The following CNTNAP2 variants were observed in gnomAD, a reference collection of about 807,000 sequenced individuals.
The protein encoded by CNTNAP2 is contactin associated protein 2.
CNTNAP2 carries 98 observed loss-of-function variants against 155.2 expected under a neutral mutation model. The observed-to-expected ratio is 0.63, with a 90% CI of 0.54 to 0.75. CNTNAP2 has a LOEUF of 0.75. Among genes scored for constraint, CNTNAP2 ranks in the 30% least tolerant of loss-of-function variants. The pLI is 0.00. For missense variants in CNTNAP2, 1,727 were observed against 1,688.1 expected (o/e 1.02, Z -0.40); for synonymous variants, 651 against 631.2 (o/e 1.03, Z -0.47).
At chr7:146,802,761 G>A (rs1329495723) in intron 2 of CNTNAP2, among the ~76,000 whole-genome samples, 1 of 152,116 alleles carries the variant, frequency 6.6e-6, no homozygotes, top group Non-Finnish European at 1.5e-5. Flanking sequence ...CCAGTCATAG[G>A]TAGTTTGTTT....
At chr7:147,472,144 A>G (rs575365109) in intron 10 of CNTNAP2, among the ~76,000 whole-genome samples, 1 of 151,994 alleles carries the variant, frequency 6.6e-6, no homozygotes, top group South Asian at 2.1e-4. Context: ...ATGCAAAAAC[A>G]TACAAGAGCT....
At chr7:146,898,053 A>G (rs1795913600) in intron 3 of CNTNAP2, among the ~76,000 whole-genome samples, 1 of 152,106 alleles carries the variant, frequency 6.6e-6, no homozygotes, top group Non-Finnish European at 1.5e-5. Context: ...GATTCCTAAA[A>G]TAATCATAGA....
chr7:147,823,550 A>G (rs780344435), intron 13 of CNTNAP2, among the ~76,000 whole-genome samples: 4 of 152,056 alleles, frequency 2.6e-5, no homozygotes, highest in Non-Finnish European at 5.9e-5. Context: ...TCCTACCCCT[A>G]ATTTTTGCCT....
At chr7:146,748,947 G>A (rs377132036) in intron 1 of CNTNAP2, among the ~76,000 whole-genome samples, 9 of 152,236 alleles carry the variant, frequency 5.9e-5, no homozygotes, top group African/African-American at 1.7e-4. Flanking sequence ...ACAAATTGCC[G>A]TAAGTTTTTG....
chr7:147,609,999 T>C (rs549505918), intron 12 of CNTNAP2, among the ~76,000 whole-genome samples: 1 of 152,218 alleles, frequency 6.6e-6, no homozygotes, highest in African/African-American at 2.4e-5. Context: ...GGTACTGGTG[T>C]GAAGGGTGAG....
At chr7:146,388,521 T>A (rs1288786655) in intron 1 of CNTNAP2, among the ~76,000 whole-genome samples, 1 of 152,144 alleles carries the variant, frequency 6.6e-6, no homozygotes, top group African/African-American at 2.4e-5. Flanking sequence ...CATGAGATAT[T>A]TTGATGCAGG....
At chr7:146,702,479 C>T (rs528826469) in intron 1 of CNTNAP2, among the ~76,000 whole-genome samples, 18 of 152,186 alleles carry the variant, frequency 1.2e-4, no homozygotes, top group Admixed American at 6.6e-4. Flanking sequence ...GCTGTCTAAT[C>T]GAACATTTTG....
chr7:147,698,573 T>C (rs1796193328), intron 13 of CNTNAP2, among the ~76,000 whole-genome samples: 1 of 152,070 alleles, frequency 6.6e-6, no homozygotes. Flanking sequence ...ATGACAGGAC[T>C]TTTTTTTAAG....
chr7:146,172,443 G>C (rs1562976727), intron 1 of CNTNAP2, among the ~76,000 whole-genome samples: 1 of 152,000 alleles, frequency 6.6e-6, no homozygotes, highest in Non-Finnish European at 1.5e-5. Flanking sequence ...ACACTGCGCA[G>C]CCACCTTAGT....
chr7:147,773,719 C>T (rs1797512502), intron 13 of CNTNAP2, among the ~76,000 whole-genome samples: 1 of 152,104 alleles, frequency 6.6e-6, no homozygotes. Context: ...TCTTTGTACT[C>T]TCCAAAATAT....
At chr7:147,638,709 A>C in intron 12 of CNTNAP2, 1 of 384,336 alleles carries the variant, frequency 2.6e-6, no homozygotes, top group East Asian at 7.2e-5. Flanking sequence ...GAAAGAGAGC[A>C]TAGTTCATTT....
chr7:147,819,185 G>A (rs1365948058), intron 13 of CNTNAP2, among the ~76,000 whole-genome samples: 3 of 152,166 alleles, frequency 2.0e-5, no homozygotes, highest in Admixed American at 6.5e-5. Flanking sequence ...CATAAACCTC[G>A]TTAGTGGTAT....
At chr7:147,939,063 T>A (rs942921608) in intron 14 of CNTNAP2, among the ~76,000 whole-genome samples, 1 of 152,216 alleles carries the variant, frequency 6.6e-6, no homozygotes, top group Admixed American at 6.5e-5. Context: ...GGTTCACTTA[T>A]CTTTGATAAG....
chr7:146,564,316 TCAATATTACC>T (rs1798324590), intron 1 of CNTNAP2, among the ~76,000 whole-genome samples: 1 of 152,078 alleles, frequency 6.6e-6, no homozygotes, highest in Admixed American at 6.5e-5. Context: ...CTCTGTACTC[TCAATATTACC>T]TTAGGCAAAT....
intron 1 of CNTNAP2, among the ~76,000 whole-genome samples, chr7:146,551,823 T>G (rs1798127049): frequency 6.6e-6 from 1 of 152,072 alleles, no homozygotes. Flanking sequence ...TTCCCATCTC[T>G]TTTCTTCCCT....
intron 16 of CNTNAP2, among the ~76,000 whole-genome samples, chr7:148,123,516 G>A (rs770004024): frequency 6.6e-6 from 1 of 151,842 alleles, no homozygotes; most frequent in Non-Finnish European, 1.5e-5. Flanking sequence ...AGAATCCCTC[G>A]AGCCCAAGAA....
rs529590062 is a variant in CNTNAP2, at chr7:148,055,127, G to C, written c.2384-62991G>C. Among the ~76,000 whole-genome samples the C allele has an allele frequency of 1.1e-4, 16 of 152,060 alleles. No homozygotes were observed. The East Asian group carries it at 2.9e-3, about 28-fold the overall frequency. ...TCAAACTCCTGACCTCAGGTGATCT[G>C]CCTGCCTCGGCCTCCCAAAGTGCTG... On this transcript the variant is annotated intron_variant, in intron 15 of 23. Transcript: ENST00000361727.
chr7:147,579,380 A>G (rs1216267586), intron 12 of CNTNAP2, among the ~76,000 whole-genome samples: 2 of 152,226 alleles, frequency 1.3e-5, no homozygotes, highest in Non-Finnish European at 2.9e-5. Flanking sequence ...GTACACAGTG[A>G]CAAACACACA....
At chr7:146,151,118 G>A (rs1038532855) in intron 1 of CNTNAP2, among the ~76,000 whole-genome samples, 6 of 152,044 alleles carry the variant, frequency 3.9e-5, no homozygotes, top group Non-Finnish European at 8.8e-5. Flanking sequence ...CCACTATCAT[G>A]AGAACTGCAT....
Sources: gnomAD v4.1 joint callset for allele counts (sites outside exome capture counted in the v4.1 genomes callset) on GRCh38, gnomAD v4.1.1 for gene constraint, MANE v1.5 for transcripts, NCBI Gene and HGNC (gene_info 2026-07-23, HGNC 2026-07-21) for gene names.